KHDRBS2: variants seen among roughly 807,000 people sequenced by gnomAD.
KHDRBS2 encodes the protein KH RNA binding domain containing, signal transduction associated 2.
In KHDRBS2, 26 loss-of-function variants were observed where a neutral mutation model predicts 44.3. The ratio of observed to expected loss-of-function variants is 0.59; its 90% CI spans 0.43 to 0.81. The LOEUF (loss-of-function observed/expected upper bound fraction) is 0.81. Ranked by LOEUF, KHDRBS2 falls within the 40% of genes least tolerant of loss-of-function variation. KHDRBS2 has a pLI of 0.00. For synonymous variants in KHDRBS2, 194 were observed against 151.1 expected (o/e 1.28, Z -2.08); for missense variants, 476 against 433.1 (o/e 1.10, Z -0.88).
the KHDRBS2 span, among the ~76,000 whole-genome samples, chr6:61,621,123 A>G: frequency 6.6e-6 from 1 of 152,310 alleles, no homozygotes; most frequent in African/African-American, 2.4e-5. Flanking sequence ...CCCAGCTGGC[A>G]TGAAGGACAC....
intron 4 of KHDRBS2, among the ~76,000 whole-genome samples, chr6:61,945,413 T>G (rs1376964782): frequency 1.3e-5 from 2 of 151,654 alleles, no homozygotes; most frequent in Non-Finnish European, 2.9e-5. Context: ...CAGAATTTAT[T>G]ACCACTTCTC....
chr6:61,666,693 C>G, the KHDRBS2 span, among the ~76,000 whole-genome samples: 18 of 151,290 alleles, frequency 1.2e-4, no homozygotes, highest in Non-Finnish European at 2.7e-4. Flanking sequence ...ATTGAAAAAG[C>G]TTTTTTTCTT....
At chr6:61,694,858 T>A (rs1767739438) in intron 8 of KHDRBS2, among the ~76,000 whole-genome samples, 1 of 152,170 alleles carries the variant, frequency 6.6e-6, no homozygotes, top group African/African-American at 2.4e-5. Flanking sequence ...TCACTTGTAT[T>A]TCTGTGAAAT....
chr6:61,692,233 T>C (rs1767452708), intron 8 of KHDRBS2, among the ~76,000 whole-genome samples: 1 of 152,072 alleles, frequency 6.6e-6, no homozygotes. Flanking sequence ...AAGAAATATT[T>C]TTAAAATGCA....
intron 1 of KHDRBS2, among the ~76,000 whole-genome samples, chr6:62,179,081 G>A (rs1466918643): frequency 6.6e-6 from 1 of 151,358 alleles, no homozygotes; most frequent in African/African-American, 2.4e-5. Context: ...ATGGCTTAAA[G>A]AAAAATTCCT....
chr6:61,688,184 G>A (rs1315254289), intron 8 of KHDRBS2, among the ~76,000 whole-genome samples: 1 of 151,816 alleles, frequency 6.6e-6, no homozygotes, highest in Middle Eastern at 3.2e-3. Flanking sequence ...TTTTAAATAA[G>A]TGTGTGTCTA....
chr6:61,944,178 G>T (rs1255304380), intron 4 of KHDRBS2, among the ~76,000 whole-genome samples: 1 of 152,026 alleles, frequency 6.6e-6, no homozygotes, highest in African/African-American at 2.4e-5. Context: ...CAAAGGAAAA[G>T]GAATCATTAT....
At chr6:61,620,852 A>G in the KHDRBS2 span, among the ~76,000 whole-genome samples, 2 of 152,214 alleles carry the variant, frequency 1.3e-5, no homozygotes, top group Admixed American at 1.3e-4. Context: ...AGCTAAAATT[A>G]TTATTTAAAG....
At chr6:61,738,575 A>T (rs1775724482) in intron 6 of KHDRBS2, among the ~76,000 whole-genome samples, 1 of 151,972 alleles carries the variant, frequency 6.6e-6, no homozygotes, top group African/African-American at 2.4e-5. Flanking sequence ...GCTATAATGA[A>T]ATAAGGCAAT....
the KHDRBS2 span, among the ~76,000 whole-genome samples, chr6:61,555,704 C>T: frequency 6.6e-6 from 1 of 152,280 alleles, no homozygotes; most frequent in Non-Finnish European, 1.5e-5. Context: ...CTTGTATCTT[C>T]TTTGATGCCC....
intron 2 of KHDRBS2, among the ~76,000 whole-genome samples, chr6:62,111,373 A>G (rs974870320): frequency 3.9e-5 from 6 of 152,086 alleles, no homozygotes; most frequent in African/African-American, 1.4e-4. Context: ...TCATTCACTC[A>G]ACAAGTATTT....
At chr6:61,668,937 AAT>A in the KHDRBS2 span, among the ~76,000 whole-genome samples, 1 of 151,058 alleles carries the variant, frequency 6.6e-6, no homozygotes, top group Non-Finnish European at 1.5e-5. Flanking sequence ...TTAGTAAACA[AAT>A]AAGTAACCAT....
intron 6 of KHDRBS2, among the ~76,000 whole-genome samples, chr6:61,774,691 C>A (rs1049468969): frequency 6.6e-6 from 1 of 152,160 alleles, no homozygotes; most frequent in East Asian, 1.9e-4. Flanking sequence ...GATGGATTCA[C>A]AGCCGAATTC....
At chr6:61,977,912 G>A (rs575406913) in intron 4 of KHDRBS2, among the ~76,000 whole-genome samples, 154 bp downstream of exon 4, 1 of 152,198 alleles carries the variant, frequency 6.6e-6, no homozygotes, top group East Asian at 1.9e-4. Context: ...AGTGGTTTTG[G>A]TATCCTATTT....
intron 6 of KHDRBS2, among the ~76,000 whole-genome samples, chr6:61,847,859 T>A (rs572083772): frequency 1.3e-5 from 2 of 152,192 alleles, no homozygotes; most frequent in South Asian, 4.1e-4. Context: ...TGTAAATCAA[T>A]CAATTACATT....
intron 3 of KHDRBS2, among the ~76,000 whole-genome samples, chr6:61,995,693 T>C (rs1208073910): frequency 1.3e-5 from 2 of 152,174 alleles, no homozygotes; most frequent in East Asian, 1.9e-4. Flanking sequence ...GATTGGACTT[T>C]AGTTATTTTA....
the KHDRBS2 span, among the ~76,000 whole-genome samples, chr6:61,553,151 G>A: frequency 6.6e-6 from 1 of 152,176 alleles, no homozygotes; most frequent in Non-Finnish European, 1.5e-5. Flanking sequence ...TGGATAGTAG[G>A]CTTTTTATTA....
At chr6:61,965,866 A>C (rs977605152) in intron 4 of KHDRBS2, among the ~76,000 whole-genome samples, 43 of 152,002 alleles carry the variant, frequency 2.8e-4, no homozygotes, top group African/African-American at 9.2e-4. Context: ...GACTGCAATA[A>C]GTTAATTTAA....
At chr6:61,729,417 C>T (rs1024085453) in intron 7 of KHDRBS2, among the ~76,000 whole-genome samples, 1 of 152,068 alleles carries the variant, frequency 6.6e-6, no homozygotes, top group African/African-American at 2.4e-5. Context: ...AACAAACCGC[C>T]ATGACAGATG....
Sources: allele counts gnomAD v4.1 joint callset (sites outside exome capture counted in the v4.1 genomes callset), GRCh38; gene constraint gnomAD v4.1.1; transcripts MANE v1.5; gene names NCBI Gene and HGNC (gene_info 2026-07-23, HGNC 2026-07-21).